Variants in PHF3 observed in about 807,000 individuals in gnomAD.
PHF3 encodes the protein PHD finger protein 3.
In PHF3, 41 loss-of-function variants were observed where a neutral mutation model predicts 178.4. That is an observed-to-expected ratio of 0.23 (90% CI 0.18 to 0.30). The LOEUF (loss-of-function observed/expected upper bound fraction) is 0.30. Among genes scored for constraint, PHF3 ranks in the 10% least tolerant of loss-of-function variants. The pLI is 1.00. For missense variants in PHF3, 2,346 were observed against 2,398.1 expected (o/e 0.98, Z 0.45); for synonymous variants, 842 against 800.5 (o/e 1.05, Z -0.88).
intron 1 of PHF3, among the ~76,000 whole-genome samples, chr6:63,645,955 G>GT (rs1264187636): frequency 6.6e-6 from 1 of 152,070 alleles, no homozygotes; most frequent in East Asian, 1.9e-4. Context: ...TGGGTTAATA[G>GT]TTTCTTTTTC....
At chr6:63,639,098 C>G (rs1252806720) in intron 1 of PHF3, among the ~76,000 whole-genome samples, 1 of 152,024 alleles carries the variant, frequency 6.6e-6, no homozygotes, top group African/African-American at 2.4e-5. Context: ...AATTATTGTC[C>G]TGCATAATGT....
Position 63,698,258 on chromosome 6 carries a change from G to A in PHF3, c.2716G>A (p.Val906Ile). Residue 906 changes from valine to isoleucine, a missense_variant, in exon 7 of 16, where the codon GTT becomes ATT. Val to Ile is a conservative substitution (Grantham distance 29). Coordinates refer to ENST00000262043, the MANE Select transcript of PHF3 (RefSeq NM_001370348.2). Reference protein sequence around the residue: ...HEKQEMKKKKVEKGVLNVHPA... With the variant: ...HEKQEMKKKKIEKGVLNVHPA... ...GAAGCAAGAGATGAAAAAGAAGAAAGTTGAAAAAGGAGTGCTTAATGTACA... is the reference window on the plus strand; with the variant it reads ...GAAGCAAGAGATGAAAAAGAAGAAAATTGAAAAAGGAGTGCTTAATGTACA... 1 of 1,612,024 alleles carries A rather than the reference G, an allele frequency of 6.2e-7. No individual in the cohort carries two copies. The highest frequency in any genetic ancestry group is 8.5e-7 in the Non-Finnish European group (1 of 1,178,700).
chr6:63,654,462 A>G (rs1473157710), intron 2 of PHF3, among the ~76,000 whole-genome samples: 1 of 152,234 alleles, frequency 6.6e-6, no homozygotes, highest in African/African-American at 2.4e-5. Context: ...GATGATTAAG[A>G]TTACATATCA....
chr6:63,664,102 C>T (rs546961017), intron 2 of PHF3, among the ~76,000 whole-genome samples: 2 of 152,268 alleles, frequency 1.3e-5, no homozygotes, highest in Admixed American at 1.3e-4. Flanking sequence ...GGTTATTGGG[C>T]AACAGCTAGC....
At chr6:63,663,725 C>T (rs1486418799) in intron 2 of PHF3, among the ~76,000 whole-genome samples, 1 of 152,108 alleles carries the variant, frequency 6.6e-6, no homozygotes, top group Non-Finnish European at 1.5e-5. Context: ...AAAGAAATTG[C>T]AGTAGCTCAG....
chr6:63,664,660 A>G (rs891839833), intron 2 of PHF3, among the ~76,000 whole-genome samples: 3 of 152,168 alleles, frequency 2.0e-5, no homozygotes. Context: ...TATTAGTTGT[A>G]TAAGAACTTA....
intron 3 of PHF3, 109 bp downstream of exon 3, chr6:63,680,270 C>A: frequency 6.9e-6 from 7 of 1,009,334 alleles, no homozygotes; most frequent in Non-Finnish European, 9.9e-6. Context: ...TTTGCTAATC[C>A]ATTCGTTTTG....
In PHF3 at chr6:63,706,183, G is replaced by A; in HGVS notation, c.3522G>A (p.Glu1174=). 1.2e-6 allele frequency: 2 copies of A among 1,613,846 alleles called. No homozygotes were observed. Among genetic ancestry groups the A allele is most frequent in the Non-Finnish European group, 1.7e-6 (2 of 1,179,868 alleles). ...NILASEFFEE[E]KQESPKSTFS... ...TGGCTTCTGAATTCTTTGAGGAGGA[G>A]AAACAGGAGTCTCCAAAGTCAACGT... The change falls in exon 12 of 16, where the codon GAG becomes GAA. Residue 1174 remains glutamate, a synonymous_variant. Coordinates refer to ENST00000262043, the MANE Select transcript of PHF3 (RefSeq NM_001370348.2).
At position 63,720,729 on chromosome 6, in the gene PHF3, T is replaced by G; in HGVS notation, c.*7021T>G. Reference sequence around the variant, plus strand: ...AACAAAATTGGTTTTAAAAATCTCTTGAGTAACGATATTTACCTTTCTACC... The same window carrying G: ...AACAAAATTGGTTTTAAAAATCTCTGGAGTAACGATATTTACCTTTCTACC... On this transcript the variant is annotated 3_prime_UTR_variant, in exon 16 of 16. Coordinates refer to ENST00000262043, the MANE Select transcript of PHF3 (RefSeq NM_001370348.2). 1 of 1,549,284 alleles carries G rather than the reference T, an allele frequency of 6.5e-7. No individual in the cohort carries two copies. The highest frequency in any genetic ancestry group is 8.7e-7 in the Non-Finnish European group (1 of 1,145,896).
intron 5 of PHF3, among the ~76,000 whole-genome samples, chr6:63,693,494 A>C (rs1382015286): frequency 1.3e-5 from 2 of 152,198 alleles, no homozygotes; most frequent in African/African-American, 4.8e-5. Flanking sequence ...GCATGCCTGT[A>C]ATCCCAGCTG....
At chr6:63,674,112 A>G (rs1171840239) in intron 2 of PHF3, among the ~76,000 whole-genome samples, 5 of 151,950 alleles carry the variant, frequency 3.3e-5, no homozygotes, top group African/African-American at 1.2e-4. Context: ...ATATACAAAA[A>G]GGCGGTGTAT....
chr6:63,690,512 A>G (rs538732238), intron 4 of PHF3, among the ~76,000 whole-genome samples: 14 of 152,272 alleles, frequency 9.2e-5, no homozygotes, highest in Non-Finnish European at 1.6e-4. Flanking sequence ...TTAAAACAGT[A>G]CCTCTGGTAT....
intron 2 of PHF3, among the ~76,000 whole-genome samples, chr6:63,663,434 A>G (rs1765552063): frequency 6.6e-6 from 1 of 152,064 alleles, no homozygotes; most frequent in Non-Finnish European, 1.5e-5. Context: ...AGAAGTAGGA[A>G]AGCTGGCTAC....
At position 63,722,675 on chromosome 6, in the gene PHF3, C is replaced by T. The variant is rs1283143785; in HGVS notation, c.*8967C>T. 6.6e-6 allele frequency among the ~76,000 whole-genome samples: 1 copy of T among 152,102 alleles called. No individual in the cohort carries two copies. Among genetic ancestry groups the T allele is most frequent in the Non-Finnish European group, 1.5e-5 (1 of 68,012 alleles). The stretch of plus-strand genomic sequence containing the variant: ...CATTTTCTTCTCCCTCTGAAATTTC[C>T]CAACCTTTTTCTTTTCTCATCCAGG... On this transcript the variant is annotated 3_prime_UTR_variant, in exon 16 of 16. Transcript: ENST00000262043.
At chr6:63,707,726 T>G (rs1767753208) in intron 13 of PHF3, among the ~76,000 whole-genome samples, 1 of 110,342 alleles carries the variant, frequency 9.1e-6, no homozygotes, top group Non-Finnish European at 1.8e-5. Flanking sequence ...TTTGCCTGTC[T>G]TTTTTTTTTT....
rs190292841 is a variant in PHF3, at chr6:63,700,363, A to G, written c.2996A>G (p.Lys999Arg). ...AAATCCTTCCAGATATTATTTAAAA[A>G]AGTACTGAAAGGAGAAGTAACTCCT... ...KDPKNNILFK[K>R]VLKGEVTPDH... The change falls in exon 9 of 16, where the codon AAA becomes AGA. Residue 999 changes from lysine to arginine, a missense_variant. Physicochemically the swap from Lys to Arg is conservative, Grantham distance 26 (BLOSUM62 2). Transcript: ENST00000262043. 8.7e-5 allele frequency: 134 copies of G among 1,543,714 alleles called. No homozygotes were observed. Among genetic ancestry groups the G allele is most frequent in the Non-Finnish European group, 7.1e-6 (8 of 1,126,056 alleles).
chr6:63,686,818 CACT>C (rs1198350675), intron 4 of PHF3, among the ~76,000 whole-genome samples: 1 of 152,132 alleles, frequency 6.6e-6, no homozygotes, highest in Admixed American at 6.5e-5. Context: ...TTTTTCCCAG[CACT>C]ATCTTAGTAC....
rs745609995 is a variant in PHF3 at position 63,718,106 on chromosome 6, G to T, written c.*4398G>T. On this transcript the variant is annotated 3_prime_UTR_variant, in exon 16 of 16. Coordinates refer to ENST00000262043, the MANE Select transcript of PHF3 (RefSeq NM_001370348.2). ...CATGAACTTTCCAGGATTTTAAGGT[G>T]AAAAATATATTTTCAAGTCATTTTG... 2.6e-5 allele frequency among the ~76,000 whole-genome samples: 4 copies of T among 151,988 alleles called. No individual in the cohort carries two copies. The highest frequency in any genetic ancestry group is 4.4e-5 in the Non-Finnish European group (3 of 67,932).
chr6:63,666,149 T>G (rs940864134), intron 2 of PHF3, among the ~76,000 whole-genome samples: 13 of 152,208 alleles, frequency 8.5e-5, no homozygotes, highest in Admixed American at 2.6e-4. Flanking sequence ...AAAGCTGCTA[T>G]AAGGATGTCT....
Sources: allele counts gnomAD v4.1 joint callset (sites outside exome capture counted in the v4.1 genomes callset), GRCh38; gene constraint gnomAD v4.1.1; transcripts MANE v1.5; gene names NCBI Gene and HGNC (gene_info 2026-07-23, HGNC 2026-07-21).